Variants in TRUB1 observed in about 807,000 individuals in gnomAD.
TRUB1 encodes the protein pseudouridylate synthase TRUB1.
TRUB1 carries 23 observed loss-of-function variants against 33.9 expected under a neutral mutation model. The observed-to-expected ratio is 0.68, with a 90% CI of 0.49 to 0.96. The LOEUF is 0.96. Among genes scored for constraint, TRUB1 ranks in the 40% least tolerant of loss-of-function variants. The pLI, the probability that TRUB1 is intolerant of heterozygous loss-of-function variation, is 0.00. For missense variants in TRUB1, 378 were observed against 422.2 expected (o/e 0.90, Z 0.92); for synonymous variants, 163 against 165.4 (o/e 0.99, Z 0.11).
In TRUB1 at chr10:114,938,546, C is replaced by T. The variant is rs1352153146; in HGVS notation, c.286+7C>T. 6 of 1,521,990 alleles carry T rather than the reference C, an allele frequency of 3.9e-6. No individual in the cohort carries two copies. In the African/African-American group the frequency reaches 5.6e-5, roughly 14 times the overall value. 94.3% of individuals were successfully genotyped at this position (1,521,990 alleles called of 1,614,324 possible). A position where few individuals can be genotyped will look rare whatever the true frequency, so the allele number is the denominator to read the frequency against. On this transcript the variant is annotated splice_region_variant and intron_variant, in intron 1 of 7. Transcript: ENST00000298746. ...AAGGAGAAGCTGCTGGCAGGTACTG[C>T]AGCCCGGGTGGGGACCAGGCTGAGG...
chr10:114,959,321 G>A (rs939068565), intron 3 of TRUB1, among the ~76,000 whole-genome samples: 3 of 152,156 alleles, frequency 2.0e-5, no homozygotes, highest in Non-Finnish European at 4.4e-5. Flanking sequence ...AATTGTATAT[G>A]TGGGAAGATT....
At chr10:114,959,395 C>T (rs1299686699) in intron 3 of TRUB1, among the ~76,000 whole-genome samples, 1 of 152,102 alleles carries the variant, frequency 6.6e-6, no homozygotes, top group Admixed American at 6.6e-5. Context: ...CATGGATAGA[C>T]TTGAACATTT....
chr10:114,949,056 G>T (rs2084223159), intron 2 of TRUB1, among the ~76,000 whole-genome samples: 1 of 152,130 alleles, frequency 6.6e-6, no homozygotes, highest in African/African-American at 2.4e-5. Context: ...TTCTCTCTCT[G>T]TTCATTTGAC....
chr10:114,974,449 G>A, intron 7 of TRUB1, 64 bp downstream of exon 7: 1 of 1,432,640 alleles, frequency 7.0e-7, no homozygotes, highest in Non-Finnish European at 9.8e-7. Flanking sequence ...AATTGGAAGA[G>A]GGAATTTTCC....
At chr10:114,962,043 A>G (rs7908069) in intron 4 of TRUB1, among the ~76,000 whole-genome samples, 47,826 of 152,182 alleles carry the variant, frequency 0.31, 8,604 homozygotes, top group Non-Finnish European at 0.42. Context: ...GTAATTTATA[A>G]TAAAGTAGGT....
chr10:114,944,409 G>A (rs1011333162), intron 2 of TRUB1, among the ~76,000 whole-genome samples: 1 of 152,124 alleles, frequency 6.6e-6, no homozygotes, highest in African/African-American at 2.4e-5. Context: ...ATAGATTTAT[G>A]TTGGCAATAA....
At chr10:114,969,806 A>C (rs961681695) in intron 4 of TRUB1, among the ~76,000 whole-genome samples, 8 of 151,938 alleles carry the variant, frequency 5.3e-5, no homozygotes, top group Middle Eastern at 3.4e-3. Context: ...AGATAAATGC[A>C]ATTTTACTTG....
Position 114,975,488 on chromosome 10 carries a change from G to A in TRUB1, c.*109G>A, listed in dbSNP as rs1396759001. The A allele has an allele frequency of 2.6e-5, 25 of 963,526 alleles. No individual in the cohort carries two copies. Among genetic ancestry groups the A allele is most frequent in the Non-Finnish European group, 3.4e-5 (23 of 681,526 alleles). The allele number at this position is 963,526 out of a possible 1,614,324, so 59.7% of individuals were successfully genotyped here. On this transcript the variant is annotated 3_prime_UTR_variant, in exon 8 of 8. Coordinates refer to ENST00000298746, the MANE Select transcript of TRUB1 (RefSeq NM_139169.5). ...CAAACAATATGTCTTTTTTTTTTTT[G>A]CATGAAGAAAAATGTCTATCATTTA...
At chr10:114,952,489 ATAGGTAGG>A (rs908555567) in intron 3 of TRUB1, among the ~76,000 whole-genome samples, 1 of 115,164 alleles carries the variant, frequency 8.7e-6, no homozygotes, top group Non-Finnish European at 2.1e-5. Flanking sequence ...AGATAGGTAG[ATAGGTAGG>A]TAGGTAGGTA....
intron 4 of TRUB1, among the ~76,000 whole-genome samples, chr10:114,966,342 A>G (rs2084309126): frequency 6.6e-6 from 1 of 152,042 alleles, no homozygotes; most frequent in Admixed American, 6.6e-5. Flanking sequence ...TATTCCATTG[A>G]TGTATTTATT....
At chr10:114,951,308 C>T (rs916146204) in intron 3 of TRUB1, among the ~76,000 whole-genome samples, 159 bp downstream of exon 3, 10 of 152,024 alleles carry the variant, frequency 6.6e-5, no homozygotes, top group Non-Finnish European at 7.4e-5. Context: ...TTGAAAATAT[C>T]GAGACTGAAA....
chr10:114,958,168 G>A (rs1236465363), intron 3 of TRUB1, among the ~76,000 whole-genome samples: 1 of 152,152 alleles, frequency 6.6e-6, no homozygotes, highest in Non-Finnish European at 1.5e-5. Context: ...TTGACCCTGA[G>A]CCTGTGCTGT....
In TRUB1 at chr10:114,938,463, C is replaced by T; in HGVS notation, c.210C>T (p.Gly70=). The T allele has an allele frequency of 6.3e-7, 1 of 1,592,212 alleles. No individual in the cohort carries two copies. The highest frequency in any genetic ancestry group is 8.5e-7 in the Non-Finnish European group (1 of 1,170,204). The change falls in exon 1 of 8, where the codon GGC becomes GGT. Residue 70 remains glycine, a synonymous_variant. Coordinates refer to ENST00000298746, the MANE Select transcript of TRUB1 (RefSeq NM_139169.5). ...CTACCAAGCTGCTGTCCTTGAGCGG[C>T]GTGTTCGCCGTGCACAAGCCCAAAG... ...ALATKLLSLS[G]VFAVHKPKGP...
chr10:114,963,943 A>G (rs894397248), intron 4 of TRUB1, among the ~76,000 whole-genome samples: 1 of 151,250 alleles, frequency 6.6e-6, no homozygotes, highest in African/African-American at 2.4e-5. Flanking sequence ...TCTTTTGGGT[A>G]TATACCCAAG....
chr10:114,965,015 C>T (rs553303167), intron 4 of TRUB1, among the ~76,000 whole-genome samples: 6 of 151,158 alleles, frequency 4.0e-5, no homozygotes, highest in South Asian at 2.1e-4. Context: ...CTGCAAGCTC[C>T]GCCTCCCGGG....
chr10:114,960,613 A>G (rs1217795833), intron 4 of TRUB1, among the ~76,000 whole-genome samples: 1 of 152,026 alleles, frequency 6.6e-6, no homozygotes, highest in Non-Finnish European at 1.5e-5. Flanking sequence ...TAATAGCTTC[A>G]TTTTTTCTGT....
At chr10:114,954,347 T>C (rs1301297000) in intron 3 of TRUB1, among the ~76,000 whole-genome samples, 2 of 152,222 alleles carry the variant, frequency 1.3e-5, no homozygotes, top group African/African-American at 4.8e-5. Context: ...CTAACATTTC[T>C]TCTTGCTGAA....
chr10:114,970,321 T>A, intron 4 of TRUB1, 47 bp from the exon 5 acceptor site: 1 of 1,336,092 alleles, frequency 7.5e-7, no homozygotes, highest in Non-Finnish European at 1.1e-6. Flanking sequence ...AAATAGTACA[T>A]GTACTTCTGT....
chr10:114,942,895 A>T, intron 2 of TRUB1, 152 bp downstream of exon 2: 1 of 570,906 alleles, frequency 1.8e-6, no homozygotes, highest in South Asian at 2.6e-5. Context: ...CCATCTTTTA[A>T]AGAAGCCCTT....
Sources: gnomAD v4.1 joint callset for allele counts (sites outside exome capture counted in the v4.1 genomes callset) on GRCh38, gnomAD v4.1.1 for gene constraint, MANE v1.5 for transcripts, NCBI Gene and HGNC (gene_info 2026-07-23, HGNC 2026-07-21) for gene names.